The following DHX9 variants were observed in gnomAD, a reference collection of about 807,000 sequenced individuals.
DHX9 encodes the protein ATP-dependent RNA helicase A.
In DHX9, 27 loss-of-function variants were observed where a neutral mutation model predicts 148.7. The ratio of observed to expected loss-of-function variants is 0.18; its 90% confidence interval spans 0.13 to 0.25. The LOEUF (loss-of-function observed/expected upper bound fraction) is 0.25. Among genes scored for constraint, DHX9 ranks in the 10% least tolerant of loss-of-function variants. The pLI is 1.00. For synonymous variants in DHX9, 529 were observed against 516.6 expected (o/e 1.02, Z -0.33); for missense variants, 796 against 1,559.6 (o/e 0.51, Z 8.25).
At chr1:182,886,097 G>A (rs912203821) in intron 27 of DHX9, among the ~76,000 whole-genome samples, 4 of 152,146 alleles carry the variant, frequency 2.6e-5, no homozygotes, top group African/African-American at 9.7e-5. Flanking sequence ...AGAATCAATA[G>A]GAATTGGTGA....
At chr1:182,846,947 T>C (rs944149619) in intron 3 of DHX9, among the ~76,000 whole-genome samples, 2 of 150,366 alleles carry the variant, frequency 1.3e-5, no homozygotes, top group Non-Finnish European at 2.9e-5. Context: ...ATAATTTTTA[T>C]TGATTATCTT....
chr1:182,842,608 A>G lies in DHX9; in HGVS notation c.42A>G (p.Lys14=). 2 of 1,613,518 alleles carry G rather than the reference A, an allele frequency of 1.2e-6. No individual in the cohort carries two copies. Among genetic ancestry groups the G allele is most frequent in the Non-Finnish European group, 1.7e-6 (2 of 1,179,664 alleles). Residue 14 remains lysine (K), a synonymous_variant, in exon 2 of 28, where the codon AAA becomes AAG. Transcript: ENST00000367549. ...VKNFLYAWCG[K]RKMTPSYEIR... is the part of the protein sequence containing the mutation. Reference sequence around the variant, plus strand: ...ATTTTCTGTATGCCTGGTGTGGCAAAAGGAAGATGACCCCATCCTATGAAA... The same window carrying G: ...ATTTTCTGTATGCCTGGTGTGGCAAGAGGAAGATGACCCCATCCTATGAAA...
At chr1:182,871,246 A>G (rs1406201455) in intron 14 of DHX9, among the ~76,000 whole-genome samples, 1 of 152,214 alleles carries the variant, frequency 6.6e-6, no homozygotes, top group Non-Finnish European at 1.5e-5. Context: ...GGCATTTTAT[A>G]GAAGAGGAAA....
At chr1:182,866,365 A>G (rs988593368) in intron 12 of DHX9, 79 bp from the exon 13 acceptor site, 25 of 1,474,018 alleles carry the variant, frequency 1.7e-5, no homozygotes, top group Middle Eastern at 3.9e-4. Context: ...CAGATTTACT[A>G]CAATAATCCA....
At chr1:182,860,505 A>G (rs1668341681) in intron 12 of DHX9, among the ~76,000 whole-genome samples, 1 of 152,202 alleles carries the variant, frequency 6.6e-6, no homozygotes, top group Admixed American at 6.5e-5. Flanking sequence ...CCACCTTGAT[A>G]TTGAGTAAAA....
chr1:182,868,520 C>CTTTTTTTTT (rs59218081), intron 14 of DHX9, among the ~76,000 whole-genome samples: 1,867 of 127,352 alleles, frequency 0.015, 98 homozygotes, highest in Middle Eastern at 0.041. Context: ...ATTTTAATTC[C>CTTTTTTTTT]TTTTTTTTTT....
chr1:182,842,777 TAGGA>T, intron 2 of DHX9, 100 bp downstream of exon 2: 7 of 845,356 alleles, frequency 8.3e-6, no homozygotes, highest in South Asian at 1.9e-5. Flanking sequence ...TGTTGCACAT[TAGGA>T]AACGACAGTT....
At chr1:182,866,293 A>G (rs1648294746) in intron 12 of DHX9, 151 bp from the exon 13 acceptor site, 1 of 812,402 alleles carries the variant, frequency 1.2e-6, no homozygotes, top group Admixed American at 3.0e-5. Context: ...TGTCTGCCGT[A>G]GAACCAAATA....
At chr1:182,843,042 G>A (rs1484543117) in intron 2 of DHX9, among the ~76,000 whole-genome samples, 1 of 152,006 alleles carries the variant, frequency 6.6e-6, no homozygotes, top group Non-Finnish European at 1.5e-5. Context: ...GGATATTACA[G>A]AATCAGATTT....
chr1:182,848,622 T>G (rs918958305), intron 3 of DHX9, among the ~76,000 whole-genome samples: 2 of 152,182 alleles, frequency 1.3e-5, no homozygotes, highest in South Asian at 2.1e-4. Flanking sequence ...AAAAAAAAAT[T>G]ATAACAACCC....
In DHX9 at chr1:182,866,554, T is replaced by C. The variant is rs1450260007; in HGVS notation, c.1443T>C (p.Arg481=). The C allele has an allele frequency of 2.5e-6, 4 of 1,614,076 alleles. No homozygotes were observed. Among genetic ancestry groups the C allele is most frequent in the Non-Finnish European group, 2.5e-6 (3 of 1,180,038 alleles). The change falls in exon 13 of 28, where the codon CGT becomes CGC. Residue 481 remains arginine, a synonymous_variant. Transcript: ENST00000367549. Reference sequence around the variant, plus strand: ...TTCGATTTGAGTCTATACTTCCTCGTCCTCATGCCAGTATAATGTTTTGTA... The same window carrying C: ...TTCGATTTGAGTCTATACTTCCTCGCCCTCATGCCAGTATAATGTTTTGTA... The part of the protein sequence containing the change: ...YSVRFESILP[R]PHASIMFCTV...
At chr1:182,886,189 ATTT>A (rs1374970778) in intron 27 of DHX9, among the ~76,000 whole-genome samples, 17 of 109,918 alleles carry the variant, frequency 1.5e-4, no homozygotes, top group African/African-American at 5.6e-4. Flanking sequence ...TTTTAAATTT[ATTT>A]ATTTATTTAT....
In DHX9 at chr1:182,860,184, G is replaced by C. The variant is rs758935563; in HGVS notation, c.1332G>C (p.Gln444His). Residue 444 changes from glutamine to histidine, a missense_variant and splice_region_variant, in exon 12 of 28, where the codon CAG becomes CAC. Around this residue, in one of 14 missense-constraint regions of DHX9, gnomAD observed 58 missense variants for 122.8 expected, o/e 0.47. Transcript: ENST00000367549. ...RAAECNIVVTQPRRISAVSVA... is the reference protein window; with the variant it reads ...RAAECNIVVTHPRRISAVSVA... The stretch of plus-strand genomic sequence containing the variant: ...CAGAGTGTAACATCGTAGTAACTCA[G>C]GTAAGTGGTAAACCAACCATGAAAT... 2 of 1,587,304 alleles carry C rather than the reference G, an allele frequency of 1.3e-6. No individual in the cohort carries two copies. The highest frequency in any genetic ancestry group is 1.7e-6 in the Non-Finnish European group (2 of 1,167,956).
intron 7 of DHX9, 52 bp downstream of exon 7, chr1:182,856,630 C>T (rs930619741): frequency 1.6e-5 from 24 of 1,543,736 alleles, no homozygotes; most frequent in Non-Finnish European, 2.1e-5. Context: ...GAGAAGGAAT[C>T]TTCACATTTT....
chr1:182,848,829 G>A (rs564348089), intron 3 of DHX9, among the ~76,000 whole-genome samples: 3 of 152,300 alleles, frequency 2.0e-5, no homozygotes, highest in African/African-American at 7.2e-5. Context: ...AGGTGAAGGG[G>A]AAGCAGGGAT....
chr1:182,868,519 C>CTTTTTTTT (rs1557974014), intron 14 of DHX9, among the ~76,000 whole-genome samples: 1 of 118,702 alleles, frequency 8.4e-6, no homozygotes, highest in African/African-American at 5.2e-5. Flanking sequence ...TATTTTAATT[C>CTTTTTTTT]CTTTTTTTTT....
intron 1 of DHX9, among the ~76,000 whole-genome samples, chr1:182,840,119 G>T (rs1667892459): frequency 6.6e-6 from 1 of 152,102 alleles, no homozygotes; most frequent in Admixed American, 6.6e-5. Context: ...GGGTTTTAGG[G>T]TGGCAAGAGT....
In DHX9 at chr1:182,854,062, T is replaced by A. The variant is rs1668210684; in HGVS notation, c.510T>A (p.Ala170=). 6.2e-7 allele frequency: 1 copy of A among 1,612,694 alleles called. No individual in the cohort carries two copies. The highest frequency in any genetic ancestry group is 1.3e-5 in the African/African-American group (1 of 74,872). ...AATCAGAAGAAGTGGATTTAAATGC[T>A]GGGCTTCATGGAAACTGGACCTTGG... is the stretch of plus-strand genomic sequence containing the variant. ...TLESEEVDLN[A]GLHGNWTLEN... Residue 170 remains alanine, a synonymous_variant, in exon 6 of 28, where the codon GCT becomes GCA. Transcript: ENST00000367549.
rs766977593 is a variant in DHX9, at chr1:182,858,758, C to T, written c.926C>T (p.Ala309Val). Residue 309 changes from alanine to valine, a missense_variant, in exon 10 of 28, where the codon GCA becomes GTA. Coordinates refer to ENST00000367549, the MANE Select transcript of DHX9 (RefSeq NM_001357.5). The part of the protein sequence containing the change: ...PPPEDPSVPV[A>V]LNIGKLAQFE... ...CCTGAAGATCCTTCTGTGCCAGTTG[C>T]ACTCAACATTGGCAAATTGGCTCAG... 1 of 1,614,080 alleles carries T rather than the reference C, an allele frequency of 6.2e-7. No individual in the cohort carries two copies. Among genetic ancestry groups the T allele is most frequent in the South Asian group, 1.1e-5 (1 of 91,072 alleles).
Sources: gnomAD v4.1 joint callset for allele counts (sites outside exome capture counted in the v4.1 genomes callset) on GRCh38, gnomAD v4.1.1 for gene constraint, gnomAD v4.1.1 regional missense constraint, MANE v1.5 for transcripts, NCBI Gene and HGNC (gene_info 2026-07-23, HGNC 2026-07-21) for gene names.